PKIB: variants seen among roughly 807,000 people sequenced by gnomAD.
PKIB encodes the protein cAMP-dependent protein kinase inhibitor beta.
In PKIB, 2 loss-of-function variants were observed where a neutral mutation model predicts 4.5. That is an observed-to-expected ratio of 0.44 (90% CI 0.18 to 1.39). The LOEUF is 1.39. Ranked by LOEUF, PKIB falls within the 40% of genes most tolerant of loss-of-function variation. The pLI is 0.27. For missense variants in PKIB, 94 were observed against 92.6 expected (o/e 1.02, Z -0.06); for synonymous variants, 38 against 36.0 (o/e 1.06, Z -0.20).
upstream of PKIB, among the ~76,000 whole-genome samples, chr6:122,608,032 T>C (rs549303357): frequency 3.9e-4 from 59 of 152,344 alleles, 1 homozygote; most frequent in South Asian, 0.012. Context: ...TTCAATACCT[T>C]AGTCCCTAAT....
intron 2 of PKIB, among the ~76,000 whole-genome samples, chr6:122,547,632 C>A (rs893327674): frequency 1.3e-5 from 2 of 152,160 alleles, no homozygotes; most frequent in Non-Finnish European, 2.9e-5. Context: ...GCCACCGCGC[C>A]CGGCCTATTC....
intron 2 of PKIB, among the ~76,000 whole-genome samples, chr6:122,654,123 A>G (rs141695123): frequency 6.6e-6 from 1 of 152,114 alleles, no homozygotes; most frequent in Non-Finnish European, 1.5e-5. Context: ...GATAGTTTCC[A>G]TTGCCTCGTC....
chr6:122,533,447 C>A (rs1777319509), intron 2 of PKIB, among the ~76,000 whole-genome samples: 1 of 152,096 alleles, frequency 6.6e-6, no homozygotes, highest in Non-Finnish European at 1.5e-5. Flanking sequence ...TGTGGCCAGC[C>A]CTTATTTAAT....
chr6:122,472,703 G>T lies in PKIB; in HGVS notation c.-337+662G>T, dbSNP rs563169127. 1.2e-4 allele frequency among the ~76,000 whole-genome samples: 19 copies of T among 152,324 alleles called. 1 individual carries two copies. Among genetic ancestry groups the T allele is most frequent in the South Asian group, 4.1e-4 (2 of 4,828 alleles). ...GGGGTAAACACCTAAGAATCTGGAA[G>T]AATGTCAGAATCCCTACTCCTAGTT... On this transcript the variant is annotated intron_variant, in intron 1 of 6. Transcript: ENST00000392491.
chr6:122,627,438 T>C (rs560710628), intron 1 of PKIB, among the ~76,000 whole-genome samples: 1 of 152,288 alleles, frequency 6.6e-6, no homozygotes, highest in African/African-American at 2.4e-5. Flanking sequence ...TTGAGTGTAT[T>C]TACTGTTAAT....
intron 1 of PKIB, among the ~76,000 whole-genome samples, chr6:122,477,040 G>A (rs1235235322): frequency 2.0e-5 from 3 of 151,962 alleles, no homozygotes; most frequent in African/African-American, 2.4e-5. Context: ...TAAAAGAAAC[G>A]GATGAAATTA....
chr6:122,603,519 C>T (rs1016829501), intron 3 of PKIB, among the ~76,000 whole-genome samples: 1 of 152,066 alleles, frequency 6.6e-6, no homozygotes, highest in African/African-American at 2.4e-5. Flanking sequence ...CACTCTGTTG[C>T]TTAGGCTAGA....
intron 1 of PKIB, among the ~76,000 whole-genome samples, chr6:122,628,883 G>A (rs957647922): frequency 6.6e-6 from 1 of 152,138 alleles, no homozygotes; most frequent in Non-Finnish European, 1.5e-5. Flanking sequence ...CTTACTAGAG[G>A]TTACCTAGTG....
chr6:122,619,867 AC>A (rs1409525415), intron 1 of PKIB, among the ~76,000 whole-genome samples: 3 of 152,104 alleles, frequency 2.0e-5, no homozygotes, highest in Admixed American at 6.6e-5. Flanking sequence ...TTCCTTCAAA[AC>A]CATTCCATCA....
chr6:122,660,491 T>TACGGTC (rs1272212694), intron 2 of PKIB, among the ~76,000 whole-genome samples: 1 of 152,168 alleles, frequency 6.6e-6, no homozygotes, highest in Admixed American at 6.5e-5. Context: ...AAACCACAGA[T>TACGGTC]ACGGTCACGT....
chr6:122,723,839 C>T lies in PKIB; in HGVS notation c.170-1289C>T, dbSNP rs910315641. ...TCTTGAAAATTTCTATTTTCCACTC[C>T]TGTTTTAATGTCTTCATTAGCCCTT... On this transcript the variant is annotated intron_variant, in intron 4 of 4. Coordinates refer to ENST00000368452, the MANE Select transcript of PKIB (RefSeq NM_181795.3). 9.1e-4 allele frequency among the ~76,000 whole-genome samples: 139 copies of T among 152,270 alleles called. 1 individual carries two copies. The highest frequency in any genetic ancestry group is 3.1e-4 in the Non-Finnish European group (21 of 68,020).
chr6:122,602,634 G>T (rs1774405811), intron 3 of PKIB, among the ~76,000 whole-genome samples: 1 of 152,050 alleles, frequency 6.6e-6, no homozygotes, highest in Non-Finnish European at 1.5e-5. Context: ...GGGTAAGTTG[G>T]CCAGGCGTGG....
intron 2 of PKIB, among the ~76,000 whole-genome samples, chr6:122,560,005 T>C (rs1013483615): frequency 1.3e-5 from 2 of 152,176 alleles, no homozygotes; most frequent in Non-Finnish European, 2.9e-5. Context: ...AGTTTGACTT[T>C]CTCATTACTG....
intron 2 of PKIB, among the ~76,000 whole-genome samples, chr6:122,568,644 A>AGC (rs2114687245): frequency 6.6e-6 from 1 of 152,336 alleles, no homozygotes; most frequent in African/African-American, 2.4e-5. Flanking sequence ...TCAGCCAGTG[A>AGC]GCTCAGGAAG....
intron 1 of PKIB, among the ~76,000 whole-genome samples, chr6:122,613,536 G>A (rs1285574727): frequency 6.6e-6 from 1 of 152,060 alleles, no homozygotes; most frequent in Non-Finnish European, 1.5e-5. Context: ...GTTAGTTTCA[G>A]ACATTTTCAT....
chr6:122,617,369 G>C (rs1237779404), intron 1 of PKIB, among the ~76,000 whole-genome samples: 1 of 152,168 alleles, frequency 6.6e-6, no homozygotes, highest in Non-Finnish European at 1.5e-5. Flanking sequence ...CGGTAGATCT[G>C]GGTCAGCTCC....
intron 4 of PKIB, among the ~76,000 whole-genome samples, chr6:122,722,782 C>T (rs777653433): frequency 6.6e-6 from 1 of 152,156 alleles, no homozygotes; most frequent in Non-Finnish European, 1.5e-5. Context: ...TGTCCTAGTT[C>T]TCCATTTCTG....
chr6:122,658,702 T>C (rs1169639135), intron 2 of PKIB, among the ~76,000 whole-genome samples: 2 of 151,556 alleles, frequency 1.3e-5, no homozygotes, highest in African/African-American at 4.9e-5. Context: ...GCCTTGTTTG[T>C]TGGCAAAAGC....
intron 3 of PKIB, chr6:122,717,475 G>T: frequency 2.6e-6 from 1 of 387,192 alleles, no homozygotes; most frequent in Non-Finnish European, 4.6e-6. Context: ...CCAAGCCCTA[G>T]TTTGGCTGAT....
Sources: gnomAD v4.1 joint callset for allele counts (sites outside exome capture counted in the v4.1 genomes callset) on GRCh38, gnomAD v4.1.1 for gene constraint, MANE v1.5 for transcripts, NCBI Gene and HGNC (gene_info 2026-07-23, HGNC 2026-07-21) for gene names.